The following GAS2 variants were observed in gnomAD, a reference collection of about 807,000 sequenced individuals.
GAS2 encodes the protein growth arrest-specific protein 2.
Under a neutral mutation model 37.5 loss-of-function variants are expected in GAS2, and 20 were observed. The observed-to-expected ratio is 0.53, with a 90% confidence interval of 0.37 to 0.77. The LOEUF (loss-of-function observed/expected upper bound fraction) is 0.77, where lower values mean the gene tolerates loss of function less well. Ranked by LOEUF, GAS2 falls within the 30% of genes least tolerant of loss-of-function variation. The pLI is 0.00. For missense variants in GAS2, 336 were observed against 373.4 expected (o/e 0.90, Z 0.82); for synonymous variants, 144 against 132.2 (o/e 1.09, Z -0.61).
At chr11:22,735,315 T>G (rs1026546926) in intron 4 of GAS2, among the ~76,000 whole-genome samples, 1 of 149,874 alleles carries the variant, frequency 6.7e-6, no homozygotes, top group Admixed American at 6.8e-5. Context: ...ATATTACAGA[T>G]GTGCTTTAAA....
chr11:22,732,717 C>T (rs1427355169), intron 4 of GAS2, among the ~76,000 whole-genome samples: 1 of 151,058 alleles, frequency 6.6e-6, no homozygotes, highest in Non-Finnish European at 1.5e-5. Context: ...GAGAGAAATG[C>T]CTATAATATT....
At chr11:22,748,101 A>T (rs1331683561) in intron 5 of GAS2, among the ~76,000 whole-genome samples, 2 of 152,144 alleles carry the variant, frequency 1.3e-5, no homozygotes, top group Admixed American at 6.5e-5. Context: ...AAAAATAGAT[A>T]AAAAAGTAGA....
chr11:22,696,512 C>T (rs1323880239), intron 3 of GAS2, among the ~76,000 whole-genome samples: 6 of 151,502 alleles, frequency 4.0e-5, no homozygotes, highest in South Asian at 2.1e-4. Flanking sequence ...CCTGAGGAAT[C>T]GCCACACTGA....
At chr11:22,764,613 G>A (rs1009968520) in intron 7 of GAS2, among the ~76,000 whole-genome samples, 12 of 150,454 alleles carry the variant, frequency 8.0e-5, no homozygotes, top group African/African-American at 2.9e-4. Flanking sequence ...ATGAAATTTG[G>A]TATTTATTAC....
At chr11:22,752,403 C>G (rs1217138178) in intron 6 of GAS2, among the ~76,000 whole-genome samples, 3 of 151,912 alleles carry the variant, frequency 2.0e-5, no homozygotes, top group Non-Finnish European at 4.4e-5. Flanking sequence ...GAAAAGTAAT[C>G]TGAGCTTCAC....
At chr11:22,774,714 G>T (rs555013663) in intron 7 of GAS2, among the ~76,000 whole-genome samples, 2 of 152,072 alleles carry the variant, frequency 1.3e-5, no homozygotes, top group South Asian at 2.1e-4. Flanking sequence ...CTTTCATGCA[G>T]TACATTTCTT....
In GAS2 at chr11:22,698,367, G is replaced by A. The variant is rs337465; in HGVS notation, c.267+12578G>A. ...ACCAATAACAGGCTCTGAAATTGTGGCAATAATCAATAGCTTACCAACCAA... is the reference window on the plus strand; with the variant it reads ...ACCAATAACAGGCTCTGAAATTGTGACAATAATCAATAGCTTACCAACCAA... On this transcript the variant is annotated intron_variant, in intron 3 of 7. Coordinates refer to ENST00000454584, the MANE Select transcript of GAS2 (RefSeq NM_001143830.3). Among the ~76,000 whole-genome samples the A allele has an allele frequency of 1.4e-3, 211 of 152,100 alleles. 1 individual carries two copies. Among genetic ancestry groups the A allele is most frequent in the African/African-American group, 4.9e-3 (203 of 41,496 alleles).
At chr11:22,653,062 C>CTCTTTCTTTCTTTCTTTGCTTTCT (rs1565067627) in intron 1 of GAS2, among the ~76,000 whole-genome samples, 3 of 129,948 alleles carry the variant, frequency 2.3e-5, no homozygotes, top group African/African-American at 8.5e-5. Flanking sequence ...TGCTTTCTTT[C>CTCTTTCTTTCTTTCTTTGCTTTCT]TTTTTTGCTT....
chr11:22,801,063 T>C (rs1856640959), intron 7 of GAS2, among the ~76,000 whole-genome samples: 1 of 152,112 alleles, frequency 6.6e-6, no homozygotes, highest in African/African-American at 2.4e-5. Flanking sequence ...AGCGAGTTGA[T>C]ATATTTGTTT....
intron 1 of GAS2, among the ~76,000 whole-genome samples, chr11:22,647,991 C>G (rs1313634909): frequency 6.6e-6 from 1 of 152,102 alleles, no homozygotes; most frequent in South Asian, 2.1e-4. Flanking sequence ...GACATGAAGT[C>G]CTTGCCCATA....
intron 1 of GAS2, among the ~76,000 whole-genome samples, chr11:22,628,643 T>A (rs931531287): frequency 5.3e-5 from 8 of 152,242 alleles, no homozygotes; most frequent in African/African-American, 1.7e-4. Flanking sequence ...ATTTTTTTTT[T>A]ATTTCAATAG....
chr11:22,675,158 A>C, intron 2 of GAS2, 144 bp downstream of exon 2: 1 of 802,488 alleles, frequency 1.2e-6, no homozygotes, highest in Non-Finnish European at 1.9e-6. Flanking sequence ...GGGAAACCTG[A>C]AGCAGGTGGA....
chr11:22,799,055 G>A (rs941158126), intron 7 of GAS2, among the ~76,000 whole-genome samples: 2 of 152,074 alleles, frequency 1.3e-5, no homozygotes, highest in African/African-American at 2.4e-5. Flanking sequence ...CACAGTGAAT[G>A]GAGTTGACAG....
At chr11:22,633,396 GCTCAGTGTGTGAGCAGGTTTACTGT>G (rs1858772030) in intron 1 of GAS2, among the ~76,000 whole-genome samples, 1 of 152,296 alleles carries the variant, frequency 6.6e-6, no homozygotes, top group East Asian at 1.9e-4. Flanking sequence ...GTAGCAATGT[GCTCAGTGTGTGAGCAGGTTTACTGT>G]CTCCTATGGG....
At chr11:22,704,566 A>G (rs901482120) in intron 3 of GAS2, among the ~76,000 whole-genome samples, 2 of 138,836 alleles carry the variant, frequency 1.4e-5, no homozygotes, top group Non-Finnish European at 3.1e-5. Context: ...TTAAACTTCA[A>G]TTAGAAGCCA....
intron 3 of GAS2, among the ~76,000 whole-genome samples, chr11:22,693,659 T>C (rs1850359873): frequency 6.6e-6 from 1 of 152,202 alleles, no homozygotes; most frequent in African/African-American, 2.4e-5. Context: ...TAACATCTAA[T>C]GTTTGCAAAA....
chr11:22,739,271 A>T (rs1753614747), intron 5 of GAS2, among the ~76,000 whole-genome samples: 1 of 152,036 alleles, frequency 6.6e-6, no homozygotes, highest in South Asian at 2.1e-4. Context: ...CTCGGCATCT[A>T]TTGCTTAAGA....
intron 1 of GAS2, among the ~76,000 whole-genome samples, chr11:22,672,120 C>A (rs765734745): frequency 1.3e-5 from 2 of 152,122 alleles, no homozygotes; most frequent in African/African-American, 2.4e-5. Context: ...TGTGTAACTT[C>A]TATTGCATGT....
At chr11:22,679,407 G>A (rs970882207) in intron 2 of GAS2, among the ~76,000 whole-genome samples, 1 of 151,896 alleles carries the variant, frequency 6.6e-6, no homozygotes, top group Non-Finnish European at 1.5e-5. Flanking sequence ...GGGTATATTA[G>A]AACATGAAAT....
Sources: gnomAD v4.1 joint callset for allele counts (sites outside exome capture counted in the v4.1 genomes callset) on GRCh38, gnomAD v4.1.1 for gene constraint, MANE v1.5 for transcripts, NCBI Gene and HGNC (gene_info 2026-07-23, HGNC 2026-07-21) for gene names.